The following ELOB variants were observed in gnomAD, a reference collection of about 807,000 sequenced individuals.
ELOB encodes the protein elongin-B.
In ELOB, 3 loss-of-function variants were observed where a neutral mutation model predicts 12.9. That is an observed-to-expected ratio of 0.23 (90% CI 0.11 to 0.60). ELOB has a LOEUF of 0.60. Among genes scored for constraint, ELOB ranks in the 20% least tolerant of loss-of-function variants. The probability of loss-of-function intolerance (pLI) is 0.89; values close to 1 mark genes in which losing one functional copy is unlikely to be tolerated. For synonymous variants in ELOB, 84 were observed against 67.4 expected (o/e 1.25, Z -1.21); for missense variants, 126 against 159.2 (o/e 0.79, Z 1.12).
In ELOB at chr16:2,777,276, G is replaced by A; in HGVS notation, c.-37C>T. On this transcript the variant is annotated 5_prime_UTR_variant, in exon 1 of 4. Coordinates refer to ENST00000409906, the MANE Select transcript of ELOB (RefSeq NM_007108.4). ...CCTCTCCCCTCGACGCGCCGGCGCA[G>A]CCGCGCTCCGCCCCGTTCCCGGCAG... The A allele has an allele frequency of 9.9e-7, 1 of 1,013,840 alleles. No individual in the cohort carries two copies. The highest frequency in any genetic ancestry group is 1.2e-6 in the Non-Finnish European group (1 of 849,996). 62.8% of individuals were successfully genotyped at this position (1,013,840 alleles called of 1,614,324 possible). A position where few individuals can be genotyped will look rare whatever the true frequency, so the allele number is the denominator to read the frequency against.
intron 3 of ELOB, 174 bp from the exon 4 acceptor site, chr16:2,772,276 A>G (rs575402492): frequency 2.1e-5 from 15 of 729,890 alleles, no homozygotes; most frequent in Admixed American, 1.5e-4. Context: ...CCGTGGCCCC[A>G]CGGTAATGTC....
Position 2,771,520 on chromosome 16 carries a change from C to A in ELOB, c.*470G>T. Reference sequence around the variant, plus strand: ...CCTGTGTGGGTCCGTCTTGGGGTTCCCTCGTTGAACATGCTGTCAAACCAG... The same window carrying A: ...CCTGTGTGGGTCCGTCTTGGGGTTCACTCGTTGAACATGCTGTCAAACCAG... On this transcript the variant is annotated 3_prime_UTR_variant, in exon 4 of 4. Coordinates refer to ENST00000409906, the MANE Select transcript of ELOB (RefSeq NM_007108.4). 1 of 1,614,224 alleles carries A rather than the reference C, an allele frequency of 6.2e-7. No homozygotes were observed. The highest frequency in any genetic ancestry group is 8.5e-7 in the Non-Finnish European group (1 of 1,180,040).
chr16:2,774,370 G>A lies in ELOB; in HGVS notation c.244+1081C>T, dbSNP rs77657733. 4.5e-3 allele frequency among the ~76,000 whole-genome samples: 684 copies of A among 152,330 alleles called. 3 individuals are homozygous for A. The highest frequency in any genetic ancestry group is 0.016 in the African/African-American group (654 of 41,580). ...TGAAGCTTCCCATCTGTTGGGCACT[G>A]GCAGCAGGCCAGACCTGGGGTGCAT... is the stretch of plus-strand genomic sequence containing the variant. On this transcript the variant is annotated intron_variant, in intron 3 of 3. Coordinates refer to ENST00000409906, the MANE Select transcript of ELOB (RefSeq NM_007108.4).
chr16:2,776,715 G>T (rs1436691766), intron 2 of ELOB, among the ~76,000 whole-genome samples: 1 of 152,242 alleles, frequency 6.6e-6, no homozygotes, highest in East Asian at 1.9e-4. Context: ...CCTCAATTTC[G>T]TCAACTGCAC....
At chr16:2,776,192 G>A (rs1363329351) in intron 2 of ELOB, among the ~76,000 whole-genome samples, 1 of 152,206 alleles carries the variant, frequency 6.6e-6, no homozygotes, top group East Asian at 1.9e-4. Context: ...GTGGCACACG[G>A]GACATGCACA....
chr16:2,773,589 A>G (rs1378190181), intron 3 of ELOB, among the ~76,000 whole-genome samples: 1 of 152,164 alleles, frequency 6.6e-6, no homozygotes, highest in East Asian at 1.9e-4. Flanking sequence ...TGCACCCAGA[A>G]GTGTGTTTCT....
intron 1 of ELOB, 25 bp from the exon 2 acceptor site, chr16:2,777,152 C>T (rs747087521): frequency 4.9e-6 from 7 of 1,416,176 alleles, no homozygotes; most frequent in Non-Finnish European, 6.6e-6. Context: ...CCGGCGTGAG[C>T]ACGAAGCCCG....
intron 3 of ELOB, among the ~76,000 whole-genome samples, chr16:2,773,511 G>T (rs1453073003): frequency 2.0e-5 from 3 of 152,156 alleles, no homozygotes; most frequent in East Asian, 1.9e-4. Context: ...GGTAAGCTTG[G>T]GGGAGGGGAG....
intron 3 of ELOB, among the ~76,000 whole-genome samples, chr16:2,773,826 G>A (rs923014162): frequency 2.6e-5 from 4 of 152,170 alleles, no homozygotes; most frequent in Admixed American, 1.3e-4. Context: ...AAACCTCTAG[G>A]GGTACCACTG....
Position 2,771,896 on chromosome 16 carries a change from G to C in ELOB, c.*94C>G. ...GCCCCAAAAGGAGCCCACAGGGAGTGGGACCCATCCCAGGGAGGGGCGGGA... is the reference window on the plus strand; with the variant it reads ...GCCCCAAAAGGAGCCCACAGGGAGTCGGACCCATCCCAGGGAGGGGCGGGA... On this transcript the variant is annotated 3_prime_UTR_variant, in exon 4 of 4. Coordinates refer to ENST00000409906, the MANE Select transcript of ELOB (RefSeq NM_007108.4). 1 of 1,509,460 alleles carries C rather than the reference G, an allele frequency of 6.6e-7. No homozygotes were observed. Among genetic ancestry groups the C allele is most frequent in the Non-Finnish European group, 8.9e-7 (1 of 1,126,716 alleles). 93.5% of individuals were successfully genotyped at this position (1,509,460 alleles called of 1,614,324 possible).
chr16:2,771,697 C>A lies in ELOB; in HGVS notation c.*293G>T, dbSNP rs2068753587. 4 of 1,580,986 alleles carry A rather than the reference C, an allele frequency of 2.5e-6. No homozygotes were observed. The highest frequency in any genetic ancestry group is 2.3e-4 in the Middle Eastern group (1 of 4,358). ...CTCTGGTCTTTGTGTCTCTCCCAGT[C>A]CTTCCCTTTCCTCCCCCTGGCGTGG... On this transcript the variant is annotated 3_prime_UTR_variant, in exon 4 of 4. Transcript: ENST00000409906.
In ELOB at chr16:2,771,710, C is replaced by T. The variant is rs2068753868; in HGVS notation, c.*280G>A. On this transcript the variant is annotated 3_prime_UTR_variant, in exon 4 of 4. Coordinates refer to ENST00000409906, the MANE Select transcript of ELOB (RefSeq NM_007108.4). ...GTCTCTCCCAGTCCTTCCCTTTCCT[C>T]CCCCTGGCGTGGTTGGTGTGGCTGG... is the stretch of plus-strand genomic sequence containing the variant. The T allele has an allele frequency of 1.9e-6, 3 of 1,566,042 alleles. No homozygotes were observed. The highest frequency in any genetic ancestry group is 2.2e-5 in the East Asian group (1 of 44,530).
intron 3 of ELOB, 130 bp downstream of exon 3, chr16:2,775,321 C>T: frequency 1.8e-6 from 1 of 540,544 alleles, no homozygotes; most frequent in Non-Finnish European, 3.1e-6. Flanking sequence ...AAGGATATTG[C>T]CAGCCCTTTA....
At position 2,776,965 on chromosome 16, in the gene ELOB, C is replaced by T. The variant is rs780637442; in HGVS notation, c.138+28G>A. 1.9e-6 allele frequency: 3 copies of T among 1,544,552 alleles called. No individual in the cohort carries two copies. The South Asian group carries it at 3.6e-5, about 18-fold the overall frequency. On this transcript the variant is annotated intron_variant, in intron 2 of 3. Transcript: ENST00000409906. ...CCCCGTGCCCGGCGCCGGGTACCCGCTCCCCTCGGCCCGCCCGCGGGACCC... is the reference window on the plus strand; with the variant it reads ...CCCCGTGCCCGGCGCCGGGTACCCGTTCCCCTCGGCCCGCCCGCGGGACCC...
chr16:2,775,703 C>G (rs1370951691), intron 2 of ELOB, 147 bp from the exon 3 acceptor site: 2 of 573,522 alleles, frequency 3.5e-6, no homozygotes, highest in Non-Finnish European at 6.1e-6. Flanking sequence ...GACAAATACA[C>G]AGATTCCAGG....
intron 2 of ELOB, among the ~76,000 whole-genome samples, chr16:2,776,505 TAAC>T (rs1333707037): frequency 1.3e-5 from 2 of 152,164 alleles, no homozygotes; most frequent in Non-Finnish European, 2.9e-5. Context: ...CGGGAGGTAA[TAAC>T]AAACGGTTGC....
chr16:2,771,805 GGCCAAGTTCTCA>G lies in ELOB; in HGVS notation c.*173_*184del, dbSNP rs1329467867. The G allele has an allele frequency of 4.1e-6, 6 of 1,452,266 alleles. No individual in the cohort carries two copies. Among genetic ancestry groups the G allele is most frequent in the Non-Finnish European group, 5.4e-6 (6 of 1,106,924 alleles). The allele number at this position is 1,452,266 out of a possible 1,614,324, so 90.0% of individuals were successfully genotyped here. ...CATGGTGCCTTTAAGCAGCAGGCTG[GGCCAAGTTCTCA>G]GCCAGGGTCTCAGGATCTGGGAGAC... On this transcript the variant is annotated 3_prime_UTR_variant, in exon 4 of 4. Transcript: ENST00000409906.
chr16:2,776,923 G>A, intron 2 of ELOB, 70 bp downstream of exon 2: 2 of 1,506,002 alleles, frequency 1.3e-6, no homozygotes, highest in South Asian at 1.2e-5. Context: ...TTACATCGCG[G>A]ACAGCGTAGG....
chr16:2,771,508 GTCTT>G lies in ELOB; in HGVS notation c.*478_*481del. 1 of 1,614,212 alleles carries G rather than the reference GTCTT, an allele frequency of 6.2e-7. No homozygotes were observed. Among genetic ancestry groups the G allele is most frequent in the South Asian group, 1.1e-5 (1 of 91,086 alleles). ...AGCGTGGGTGGACCTGTGTGGGTCCGTCTTGGGGTTCCCTCGTTGAACATGCTGT... is the reference window on the plus strand; with the variant it reads ...AGCGTGGGTGGACCTGTGTGGGTCCGGGGGTTCCCTCGTTGAACATGCTGT... On this transcript the variant is annotated 3_prime_UTR_variant, in exon 4 of 4. Transcript: ENST00000409906.
Sources: allele counts gnomAD v4.1 joint callset (sites outside exome capture counted in the v4.1 genomes callset), GRCh38; gene constraint gnomAD v4.1.1; transcripts MANE v1.5; gene names NCBI Gene and HGNC (gene_info 2026-07-23, HGNC 2026-07-21).